Variants in DSCAM observed in about 807,000 individuals in gnomAD.
The protein encoded by DSCAM is cell adhesion molecule DSCAM.
DSCAM carries 47 observed loss-of-function variants against 217.7 expected under a neutral mutation model. The ratio of observed to expected loss-of-function variants is 0.22; its 90% confidence interval spans 0.17 to 0.28. The LOEUF (loss-of-function observed/expected upper bound fraction) is 0.28. DSCAM is among the 10% of genes least tolerant of loss of function. The pLI, the probability that DSCAM is intolerant of heterozygous loss-of-function variation, is 1.00. For synonymous variants in DSCAM, 1,056 were observed against 1,015.3 expected (o/e 1.04, Z -0.76); for missense variants, 2,080 against 2,618.3 (o/e 0.79, Z 4.49).
At chr21:40,409,767 C>G (rs2075307320) in intron 3 of DSCAM, among the ~76,000 whole-genome samples, 1 of 152,220 alleles carries the variant, frequency 6.6e-6, no homozygotes, top group South Asian at 2.1e-4. Flanking sequence ...CCAATCAGTT[C>G]TAGACTGGAA....
chr21:40,037,113 G>GGA (rs2088640554), intron 32 of DSCAM, among the ~76,000 whole-genome samples: 1 of 150,088 alleles, frequency 6.7e-6, no homozygotes, highest in Non-Finnish European at 1.5e-5. Context: ...CACAAGACAG[G>GGA]GATGCCCTCT....
chr21:40,088,437 A>G (rs2089562125), intron 21 of DSCAM, among the ~76,000 whole-genome samples: 1 of 152,196 alleles, frequency 6.6e-6, no homozygotes, highest in South Asian at 2.1e-4. Flanking sequence ...AGTATAGAAT[A>G]CCCACATTAG....
chr21:40,533,665 T>TCATCCATCTGTCCAACCCTC (rs1294649814), intron 3 of DSCAM, among the ~76,000 whole-genome samples: 3 of 105,834 alleles, frequency 2.8e-5, no homozygotes, highest in Admixed American at 2.7e-4. Context: ...ATCCATCCAT[T>TCATCCATCTGTCCAACCCTC]CATCCATCTG....
At chr21:40,673,295 C>A (rs372897988) in intron 3 of DSCAM, among the ~76,000 whole-genome samples, 53 of 152,128 alleles carry the variant, frequency 3.5e-4, no homozygotes, top group African/African-American at 1.2e-3. Context: ...GATGCCCCCC[C>A]CAAAATACAA....
chr21:40,203,191 A>T (rs562673194), intron 11 of DSCAM, among the ~76,000 whole-genome samples: 1 of 152,252 alleles, frequency 6.6e-6, no homozygotes, highest in Non-Finnish European at 1.5e-5. Context: ...ACAACTTGGT[A>T]CATCCTTGGC....
intron 17 of DSCAM, 72 bp from the exon 18 acceptor site, chr21:40,142,776 C>T (rs969440874): frequency 8.7e-6 from 13 of 1,499,818 alleles, no homozygotes; most frequent in Admixed American, 2.1e-5. Context: ...GAAAAAGCAA[C>T]GTATTTTAAT....
intron 3 of DSCAM, among the ~76,000 whole-genome samples, chr21:40,654,539 G>A (rs1224598487): frequency 2.6e-5 from 4 of 152,158 alleles, no homozygotes; most frequent in African/African-American, 9.7e-5. Context: ...AATCCTAAAT[G>A]GATCTCACTG....
intron 27 of DSCAM, among the ~76,000 whole-genome samples, chr21:40,064,162 T>C (rs1006350482): frequency 2.4e-4 from 34 of 139,600 alleles, no homozygotes; most frequent in Admixed American, 5.3e-4. Context: ...TGTATGTATA[T>C]ATATATACAT....
chr21:40,308,547 A>G (rs1361784907), intron 9 of DSCAM, among the ~76,000 whole-genome samples: 1 of 152,190 alleles, frequency 6.6e-6, no homozygotes, highest in Non-Finnish European at 1.5e-5. Flanking sequence ...AATCTCCAGT[A>G]GCTTGTCCTT....
At chr21:40,407,797 C>T (rs531077090) in intron 3 of DSCAM, among the ~76,000 whole-genome samples, 2 of 152,358 alleles carry the variant, frequency 1.3e-5, no homozygotes, top group Admixed American at 1.3e-4. Flanking sequence ...CTCCAGAACC[C>T]TGCTCTGCTT....
chr21:40,493,895 T>TATATAC (rs1335884051), intron 3 of DSCAM, among the ~76,000 whole-genome samples: 1 of 142,476 alleles, frequency 7.0e-6, no homozygotes, highest in South Asian at 2.1e-4. Flanking sequence ...TACATATATA[T>TATATAC]ACATATATAT....
chr21:40,091,868 C>G (rs1019541000), intron 21 of DSCAM, among the ~76,000 whole-genome samples: 1 of 152,080 alleles, frequency 6.6e-6, no homozygotes, highest in South Asian at 2.1e-4. Context: ...ACAGGAAAGA[C>G]CTGCTCCCAT....
At chr21:40,179,466 G>A (rs2090775061) in intron 14 of DSCAM, among the ~76,000 whole-genome samples, 1 of 152,138 alleles carries the variant, frequency 6.6e-6, no homozygotes, top group African/African-American at 2.4e-5. Flanking sequence ...GCCACTGTAA[G>A]CACTCATTGT....
At chr21:40,620,390 A>AAG (rs1202945615) in intron 3 of DSCAM, among the ~76,000 whole-genome samples, 1 of 79,314 alleles carries the variant, frequency 1.3e-5, no homozygotes, top group African/African-American at 3.7e-5. Flanking sequence ...AAGAAAGAGA[A>AAG]AGAAAGAAAG....
At chr21:40,047,188 ATTTT>A (rs971773633) in intron 30 of DSCAM, among the ~76,000 whole-genome samples, 2 of 151,988 alleles carry the variant, frequency 1.3e-5, no homozygotes, top group African/African-American at 4.8e-5. Flanking sequence ...TGACACATTT[ATTTT>A]TTAATAATTT....
At chr21:40,748,053 AAAC>A (rs1318730729) in intron 1 of DSCAM, among the ~76,000 whole-genome samples, 1 of 152,020 alleles carries the variant, frequency 6.6e-6, no homozygotes, top group East Asian at 1.9e-4. Flanking sequence ...TTGGTTATAA[AAAC>A]AACACACCTT....
chr21:40,206,771 C>T (rs2091131636), intron 11 of DSCAM, among the ~76,000 whole-genome samples: 1 of 151,308 alleles, frequency 6.6e-6, no homozygotes, highest in African/African-American at 2.4e-5. Context: ...AATAACTGAG[C>T]ATGGTAGCAC....
At chr21:40,827,898 C>T (rs1855676584) in intron 1 of DSCAM, among the ~76,000 whole-genome samples, 1 of 152,238 alleles carries the variant, frequency 6.6e-6, no homozygotes, top group Admixed American at 6.5e-5. Flanking sequence ...ACTGATCTTT[C>T]AGCACAGTTA....
At chr21:40,691,036 C>T (rs2090532702) in intron 3 of DSCAM, among the ~76,000 whole-genome samples, 1 of 152,154 alleles carries the variant, frequency 6.6e-6, no homozygotes, top group Non-Finnish European at 1.5e-5. Context: ...CCCCATGACA[C>T]AAGTTTACCT....
Sources: allele counts gnomAD v4.1 joint callset (sites outside exome capture counted in the v4.1 genomes callset), GRCh38; gene constraint gnomAD v4.1.1; transcripts MANE v1.5; gene names NCBI Gene and HGNC (gene_info 2026-07-23, HGNC 2026-07-21).